The following FAM193A variants were observed in gnomAD, a reference collection of about 807,000 sequenced individuals.
FAM193A encodes protein FAM193A.
FAM193A carries 22 observed loss-of-function variants against 126.5 expected under a neutral mutation model. That is an observed-to-expected ratio of 0.17 (90% CI 0.12 to 0.25). The LOEUF is 0.25. FAM193A is among the 10% of genes least tolerant of loss of function. FAM193A has a pLI of 1.00. For missense variants in FAM193A, 1,675 were observed against 1,672.8 expected (o/e 1.00, Z -0.02); for synonymous variants, 761 against 646.8 (o/e 1.18, Z -2.68).
intron 20 of FAM193A, among the ~76,000 whole-genome samples, chr4:2,719,088 G>T (rs1719840443): frequency 6.6e-6 from 1 of 152,162 alleles, no homozygotes; most frequent in African/African-American, 2.4e-5. Context: ...TTTGTTTTAT[G>T]AGACAAGTAA....
At position 2,565,957 on chromosome 4, in the gene FAM193A, A is replaced by C. The variant is rs1036055871; in HGVS notation, c.255+28787A>C. On this transcript the variant is annotated intron_variant, in intron 1 of 20. Coordinates refer to ENST00000637812, the MANE Select transcript of FAM193A (RefSeq NM_001366318.2). ...CTGTAATAAGTGGCTGTCAGTAGAAAGCTATCTAGCAAATCCAGTATTTTT... is the reference window on the plus strand; with the variant it reads ...CTGTAATAAGTGGCTGTCAGTAGAACGCTATCTAGCAAATCCAGTATTTTT... Among the ~76,000 whole-genome samples, 7 of 152,344 alleles carry C rather than the reference A, an allele frequency of 4.6e-5. No individual in the cohort carries two copies. In the East Asian group the frequency reaches 1.3e-3, roughly 29 times the overall value.
chr4:2,544,568 G>T (rs1022996773), intron 1 of FAM193A, among the ~76,000 whole-genome samples: 1 of 152,094 alleles, frequency 6.6e-6, no homozygotes, highest in African/African-American at 2.4e-5. Context: ...GCTGGGTGTG[G>T]TGGTGGGCGC....
chr4:2,678,823 G>A (rs904780383), intron 13 of FAM193A, among the ~76,000 whole-genome samples: 2 of 152,090 alleles, frequency 1.3e-5, no homozygotes, highest in Non-Finnish European at 2.9e-5. Flanking sequence ...CTGTTTTTGT[G>A]GAATCTTTGG....
At chr4:2,647,828 C>G (rs1008107716) in intron 7 of FAM193A, among the ~76,000 whole-genome samples, 1 of 152,190 alleles carries the variant, frequency 6.6e-6, no homozygotes, top group Non-Finnish European at 1.5e-5. Context: ...TTCGGAGACT[C>G]TCTGTAGGAA....
At chr4:2,549,084 G>A (rs1313983590) in intron 1 of FAM193A, among the ~76,000 whole-genome samples, 5 of 150,110 alleles carry the variant, frequency 3.3e-5, no homozygotes, top group East Asian at 4.0e-4. Context: ...ATTAACAGGC[G>A]TGTGCCATCA....
chr4:2,540,429 C>G (rs1332927184), intron 1 of FAM193A, among the ~76,000 whole-genome samples: 1 of 152,036 alleles, frequency 6.6e-6, no homozygotes, highest in Non-Finnish European at 1.5e-5. Context: ...GATGGCGCCA[C>G]TGCACTCCAG....
chr4:2,558,892 T>C (rs1321766137), intron 1 of FAM193A, among the ~76,000 whole-genome samples: 1 of 152,154 alleles, frequency 6.6e-6, no homozygotes, highest in Admixed American at 6.6e-5. Context: ...TTCCAGCTAC[T>C]CAGGAGGCTA....
intron 13 of FAM193A, among the ~76,000 whole-genome samples, chr4:2,681,402 T>C (rs537336767): frequency 2.0e-5 from 3 of 152,192 alleles, no homozygotes; most frequent in Non-Finnish European, 4.4e-5. Flanking sequence ...TAGATTGTTC[T>C]TTTTCTAATT....
At chr4:2,582,865 T>A (rs1172342317) in intron 1 of FAM193A, among the ~76,000 whole-genome samples, 1 of 152,190 alleles carries the variant, frequency 6.6e-6, no homozygotes, top group African/African-American at 2.4e-5. Context: ...CATATTCTTC[T>A]CCCAGTTGTA....
rs1341374484 is a variant in FAM193A, at chr4:2,632,153, G to A, written c.1038+984G>A. 5.3e-5 allele frequency among the ~76,000 whole-genome samples: 8 copies of A among 152,240 alleles called. No homozygotes were observed. In the East Asian group the frequency reaches 1.5e-3, roughly 29 times the overall value. Reference sequence around the variant, plus strand: ...GGTGGTACAGGGCATCACATGGCGAGAGGGCTGAGCATCAGTTTTGGGTGC... The same window carrying A: ...GGTGGTACAGGGCATCACATGGCGAAAGGGCTGAGCATCAGTTTTGGGTGC... On this transcript the variant is annotated intron_variant, in intron 5 of 20. Transcript: ENST00000637812.
intron 14 of FAM193A, 82 bp downstream of exon 14, chr4:2,689,786 C>T: frequency 9.7e-7 from 1 of 1,029,750 alleles, no homozygotes; most frequent in Non-Finnish European, 1.4e-6. Context: ...CCCGTGGAAG[C>T]CCTGGCGCAG....
intron 19 of FAM193A, among the ~76,000 whole-genome samples, chr4:2,711,646 A>T (rs866240439): frequency 2.0e-5 from 3 of 149,804 alleles, no homozygotes; most frequent in Non-Finnish European, 3.0e-5. Context: ...AGCCTCCATT[A>T]TTTTTTTTAA....
At chr4:2,715,897 C>T (rs893809543) in intron 19 of FAM193A, 126 bp from the exon 20 acceptor site, 14 of 706,222 alleles carry the variant, frequency 2.0e-5, no homozygotes, top group Non-Finnish European at 3.1e-5. Flanking sequence ...TCTAAAATCT[C>T]ATTTTAGAAA....
chr4:2,544,484 C>G (rs1328394765), intron 1 of FAM193A, among the ~76,000 whole-genome samples: 2 of 152,078 alleles, frequency 1.3e-5, no homozygotes, highest in Non-Finnish European at 2.9e-5. Context: ...GGAAGGATCA[C>G]GAGGTCAGGA....
At chr4:2,603,220 C>T (rs112402538) in intron 2 of FAM193A, among the ~76,000 whole-genome samples, 25 of 149,550 alleles carry the variant, frequency 1.7e-4, no homozygotes, top group African/African-American at 5.4e-4. Flanking sequence ...GTCTCAGTCT[C>T]GTGACCTGCC....
chr4:2,633,393 T>C (rs1448431279), intron 5 of FAM193A, among the ~76,000 whole-genome samples: 5 of 151,680 alleles, frequency 3.3e-5, no homozygotes, highest in Admixed American at 6.6e-5. Context: ...AGCGAGACTC[T>C]GTCTCACACA....
At chr4:2,610,967 C>A (rs546271715) in intron 2 of FAM193A, among the ~76,000 whole-genome samples, 1 of 152,228 alleles carries the variant, frequency 6.6e-6, no homozygotes, top group Non-Finnish European at 1.5e-5. Flanking sequence ...AAACTTACAA[C>A]CTCAGGTGAT....
intron 15 of FAM193A, among the ~76,000 whole-genome samples, chr4:2,692,875 GA>G (rs1338187883): frequency 1.3e-5 from 2 of 151,796 alleles, no homozygotes; most frequent in Admixed American, 1.3e-4. Context: ...GGGAAAGAAA[GA>G]AAAGAAAAGA....
intron 2 of FAM193A, chr4:2,607,917 G>A (rs1290275651): frequency 8.7e-7 from 1 of 1,145,306 alleles, no homozygotes; most frequent in East Asian, 2.7e-5. Flanking sequence ...TTTTCACTAT[G>A]TGATGGTGTC....
Sources: allele counts gnomAD v4.1 joint callset (sites outside exome capture counted in the v4.1 genomes callset), GRCh38; gene constraint gnomAD v4.1.1; transcripts MANE v1.5; gene names NCBI Gene and HGNC (gene_info 2026-07-23, HGNC 2026-07-21).